Variants in BBS9 observed in about 807,000 individuals in gnomAD.
The protein encoded by BBS9 is Bardet-Biedl syndrome 9.
A neutral mutation model predicts 117.7 loss-of-function variants in BBS9; 89 were observed. The observed-to-expected ratio is 0.76, with a 90% CI of 0.64 to 0.90. The LOEUF is 0.90. Among genes scored for constraint, BBS9 ranks in the 40% least tolerant of loss-of-function variants. The probability of loss-of-function intolerance (pLI) is 0.00; values close to 1 mark genes in which losing one functional copy is unlikely to be tolerated. For synonymous variants in BBS9, 379 were observed against 370.9 expected (o/e 1.02, Z -0.25); for missense variants, 982 against 1,042.2 (o/e 0.94, Z 0.80).
intron 5 of BBS9, among the ~76,000 whole-genome samples, chr7:33,186,928 A>C (rs1583530119): frequency 1.3e-5 from 2 of 152,220 alleles, no homozygotes; most frequent in African/African-American, 4.8e-5. Flanking sequence ...AATTTTGAAA[A>C]GGTAGATTTT....
At chr7:33,465,144 T>G (rs1839980931) in intron 19 of BBS9, among the ~76,000 whole-genome samples, 1 of 151,960 alleles carries the variant, frequency 6.6e-6, no homozygotes, top group Non-Finnish European at 1.5e-5. Flanking sequence ...TCTCAGTTGT[T>G]TTGCAGCATG....
chr7:33,272,633 A>G (rs894684868), intron 7 of BBS9, among the ~76,000 whole-genome samples: 2 of 152,172 alleles, frequency 1.3e-5, no homozygotes, highest in African/African-American at 4.8e-5. Context: ...GCATATTGAT[A>G]TATTTTTAGT....
chr7:33,482,315 A>G (rs1330528466), intron 19 of BBS9, among the ~76,000 whole-genome samples: 3 of 152,062 alleles, frequency 2.0e-5, no homozygotes, highest in Non-Finnish European at 1.5e-5. Context: ...TGGATGGGGG[A>G]ACACATCCAT....
intron 5 of BBS9, among the ~76,000 whole-genome samples, chr7:33,185,067 T>C (rs997528615): frequency 3.3e-5 from 5 of 151,978 alleles, no homozygotes; most frequent in African/African-American, 9.7e-5. Context: ...CTAGTGGGAG[T>C]GTCTTTTAGC....
chr7:33,322,185 T>G (rs1241848921), intron 9 of BBS9, among the ~76,000 whole-genome samples: 1 of 152,002 alleles, frequency 6.6e-6, no homozygotes, highest in Non-Finnish European at 1.5e-5. Flanking sequence ...TAATTTTCTG[T>G]TTTTGATGTG....
chr7:33,410,825 T>G (rs1279564384), intron 19 of BBS9, among the ~76,000 whole-genome samples: 1 of 152,128 alleles, frequency 6.6e-6, no homozygotes, highest in South Asian at 2.1e-4. Context: ...AACATAGACC[T>G]GCCTCCTACA....
chr7:33,501,231 G>A (rs1426004319), intron 19 of BBS9, among the ~76,000 whole-genome samples: 1 of 152,170 alleles, frequency 6.6e-6, no homozygotes, highest in Non-Finnish European at 1.5e-5. Flanking sequence ...AGTTTTTCCA[G>A]TCTTTTTACT....
chr7:33,544,920 C>G lies in BBS9; in HGVS notation c.2521+10744C>G, dbSNP rs1163290844. Among the ~76,000 whole-genome samples the G allele has an allele frequency of 2.6e-5, 4 of 152,040 alleles. No homozygotes were observed. The East Asian group carries it at 7.8e-4, about 30-fold the overall frequency. On this transcript the variant is annotated intron_variant, in intron 21 of 22. Transcript: ENST00000242067. ...ATTCCCAGGTCACTAGAGTTGTGTA[C>G]CTAGGAGGTTTATGGCTGCCCCTGC...
chr7:33,191,989 C>A (rs757126377), intron 5 of BBS9, among the ~76,000 whole-genome samples: 2 of 151,482 alleles, frequency 1.3e-5, no homozygotes, highest in African/African-American at 4.9e-5. Flanking sequence ...ACCTCCCAAA[C>A]GCAACCACTG....
chr7:33,566,877 A>G (rs148448783), intron 21 of BBS9, among the ~76,000 whole-genome samples: 120 of 152,316 alleles, frequency 7.9e-4, no homozygotes, highest in African/African-American at 2.6e-3. Context: ...CAAATATTAG[A>G]TCCTTTATGT....
chr7:33,611,302 T>C (rs189132205), intron 21 of BBS9, among the ~76,000 whole-genome samples: 2 of 151,706 alleles, frequency 1.3e-5, no homozygotes, highest in Non-Finnish European at 2.9e-5. Flanking sequence ...CTAAATTCTT[T>C]TATGTAAACA....
intron 5 of BBS9, among the ~76,000 whole-genome samples, chr7:33,180,201 C>G (rs1797898139): frequency 6.6e-6 from 1 of 152,194 alleles, no homozygotes; most frequent in South Asian, 2.1e-4. Context: ...TTAGCTTAGA[C>G]TGTGTGGTCC....
chr7:33,441,477 A>G (rs751040360), intron 19 of BBS9, among the ~76,000 whole-genome samples: 4 of 152,188 alleles, frequency 2.6e-5, no homozygotes, highest in South Asian at 2.1e-4. Flanking sequence ...GAAAATCACA[A>G]TAATACCTTG....
chr7:33,531,399 A>G (rs1850558704), intron 20 of BBS9, among the ~76,000 whole-genome samples: 1 of 152,204 alleles, frequency 6.6e-6, no homozygotes, highest in South Asian at 2.1e-4. Flanking sequence ...ACTGGAGGCC[A>G]GGCTGGCAGG....
At chr7:33,225,963 G>GTA (rs1033670383) in intron 5 of BBS9, among the ~76,000 whole-genome samples, 3 of 152,066 alleles carry the variant, frequency 2.0e-5, no homozygotes, top group African/African-American at 7.2e-5. Context: ...GCACACATTT[G>GTA]TATATATATT....
intron 19 of BBS9, among the ~76,000 whole-genome samples, chr7:33,482,399 A>T (rs543693359): frequency 1.3e-5 from 2 of 152,246 alleles, no homozygotes; most frequent in African/African-American, 2.4e-5. Context: ...ATCTGAATTT[A>T]AAAAAGGCTT....
rs1182874913 is a variant in BBS9 at position 33,612,408 on chromosome 7, C to G, written c.2522-22769C>G. Among the ~76,000 whole-genome samples the G allele has an allele frequency of 5.3e-5, 8 of 152,066 alleles. No individual in the cohort carries two copies. The East Asian group carries it at 1.2e-3, about 22-fold the overall frequency. On this transcript the variant is annotated intron_variant, in intron 21 of 21. Transcript: ENST00000671952. The stretch of plus-strand genomic sequence containing the variant: ...AATGTCAATAACAAATCATAAAACA[C>G]ATACACACATACACATACACATACA...
At chr7:33,186,884 A>G (rs192737565) in intron 5 of BBS9, among the ~76,000 whole-genome samples, 281 of 152,352 alleles carry the variant, frequency 1.8e-3, no homozygotes, top group Non-Finnish European at 3.1e-3. Context: ...ATAAGCATAG[A>G]CAAACAAGTT....
intron 5 of BBS9, among the ~76,000 whole-genome samples, chr7:33,234,116 G>C (rs902646364): frequency 6.6e-6 from 1 of 152,084 alleles, no homozygotes; most frequent in Admixed American, 6.6e-5. Context: ...GGTGATCACA[G>C]TGTTTGTGTT....
Sources: gnomAD v4.1 joint callset for allele counts (sites outside exome capture counted in the v4.1 genomes callset) on GRCh38, gnomAD v4.1.1 for gene constraint, MANE v1.5 for transcripts, NCBI Gene and HGNC (gene_info 2026-07-23, HGNC 2026-07-21) for gene names.